Variants in UNC5D observed in about 807,000 individuals in gnomAD.
UNC5D encodes the protein unc-5 netrin receptor D.
Under a neutral mutation model 105.4 loss-of-function variants are expected in UNC5D, and 39 were observed. The observed-to-expected ratio is 0.37, with a 90% CI of 0.29 to 0.48. The LOEUF (loss-of-function observed/expected upper bound fraction) is 0.48, where lower values mean the gene tolerates loss of function less well. Among genes scored for constraint, UNC5D ranks in the 20% least tolerant of loss-of-function variants. The pLI, the probability that UNC5D is intolerant of heterozygous loss-of-function variation, is 0.98. For missense variants in UNC5D, 991 were observed against 1,202.4 expected, an observed-to-expected ratio of 0.82 and a Z score of 2.60; for synonymous variants, 452 against 450.4, an observed-to-expected ratio of 1.00 and a Z score of -0.04.
intron 1 of UNC5D, among the ~76,000 whole-genome samples, chr8:35,442,745 G>A (rs1807490454): frequency 6.6e-6 from 1 of 151,978 alleles, no homozygotes; most frequent in Admixed American, 6.6e-5. Flanking sequence ...AGATAAGACA[G>A]CTGAAGTGTT....
At chr8:35,308,388 A>G (rs144957177) in intron 1 of UNC5D, among the ~76,000 whole-genome samples, 105 of 152,274 alleles carry the variant, frequency 6.9e-4, no homozygotes, top group African/African-American at 2.3e-3. Flanking sequence ...AACAGGTTTC[A>G]TGACCACAGT....
chr8:35,725,634 G>C (rs746130275), intron 9 of UNC5D, among the ~76,000 whole-genome samples: 19 of 152,054 alleles, frequency 1.2e-4, no homozygotes, highest in Non-Finnish European at 2.6e-4. Context: ...CCCAGCTCCA[G>C]AATCTGCACA....
At chr8:35,381,742 T>A (rs1052380785) in intron 1 of UNC5D, among the ~76,000 whole-genome samples, 8 of 152,190 alleles carry the variant, frequency 5.3e-5, no homozygotes, top group African/African-American at 1.9e-4. Context: ...ACATGAAATA[T>A]TGAAGTTTTG....
chr8:35,788,989 G>A (rs1407216209), intron 16 of UNC5D, among the ~76,000 whole-genome samples: 1 of 150,676 alleles, frequency 6.6e-6, no homozygotes, highest in Non-Finnish European at 1.5e-5. Flanking sequence ...TCTATTTGTG[G>A]GTGTGTATGA....
intron 1 of UNC5D, among the ~76,000 whole-genome samples, chr8:35,415,900 A>C (rs960805323): frequency 8.5e-5 from 13 of 152,156 alleles, no homozygotes; most frequent in Admixed American, 8.5e-4. Context: ...TTGTATCTGA[A>C]AGACCTGAGT....
intron 7 of UNC5D, among the ~76,000 whole-genome samples, chr8:35,687,768 A>C (rs1362348559): frequency 6.6e-6 from 1 of 152,154 alleles, no homozygotes; most frequent in African/African-American, 2.4e-5. Flanking sequence ...CCCACTTTTT[A>C]GTATTGTCAA....
chr8:35,357,457 C>A (rs972426771), intron 1 of UNC5D, among the ~76,000 whole-genome samples: 4 of 152,154 alleles, frequency 2.6e-5, no homozygotes, highest in Non-Finnish European at 5.9e-5. Context: ...TTCTCTCTTG[C>A]CTCTACCACA....
chr8:35,677,432 C>T (rs773203900), intron 4 of UNC5D, among the ~76,000 whole-genome samples: 11 of 152,150 alleles, frequency 7.2e-5, no homozygotes, highest in Non-Finnish European at 1.5e-4. Context: ...CCCTGGCCCC[C>T]AGGAACATTG....
intron 1 of UNC5D, among the ~76,000 whole-genome samples, chr8:35,472,528 T>G (rs547039009): frequency 6.6e-6 from 1 of 152,192 alleles, no homozygotes; most frequent in South Asian, 2.1e-4. Context: ...CTTGTGTTTT[T>G]AGGGGAAATC....
In UNC5D at chr8:35,704,906, G is replaced by A. The variant is rs141955954; in HGVS notation, c.1085-1023G>A. Among the ~76,000 whole-genome samples, 1,128 of 152,016 alleles carry A rather than the reference G, an allele frequency of 7.4e-3. 11 individuals carry two copies. Among genetic ancestry groups the A allele is most frequent in the Middle Eastern group, 0.017 (5 of 294 alleles). ...GAGACAATGAATGGGGGACACTGGG[G>A]GCATTGAGAAAATTCCTCAGCTGAG... On this transcript the variant is annotated intron_variant, in intron 7 of 16. Transcript: ENST00000404895.
rs143941711 is a variant in UNC5D at position 35,243,489 on chromosome 8, C to A, written c.103+7602C>A. On this transcript the variant is annotated intron_variant, in intron 1 of 16. Transcript: ENST00000404895. ...GGAAATTGACTCACCCAGAATTTTA[C>A]CAGTTTGCCCAAAGTCAGATTTTTG... is the stretch of plus-strand genomic sequence containing the variant. Among the ~76,000 whole-genome samples the A allele has an allele frequency of 2.9e-4, 44 of 152,242 alleles. 3 individuals carry two copies. In the East Asian group the frequency reaches 6.9e-3, roughly 24 times the overall value.
chr8:35,374,921 T>C (rs1354786792), intron 1 of UNC5D, among the ~76,000 whole-genome samples: 2 of 152,200 alleles, frequency 1.3e-5, no homozygotes, highest in Non-Finnish European at 2.9e-5. Flanking sequence ...ATAAACGAAC[T>C]TTCTAAGAAG....
At chr8:35,250,890 G>A (rs575175406) in intron 1 of UNC5D, among the ~76,000 whole-genome samples, 1 of 152,190 alleles carries the variant, frequency 6.6e-6, no homozygotes, top group South Asian at 2.1e-4. Flanking sequence ...CCAGTGTGTA[G>A]GTCCCATTTA....
intron 4 of UNC5D, among the ~76,000 whole-genome samples, chr8:35,603,036 T>C (rs902953080): frequency 5.9e-5 from 9 of 152,086 alleles, no homozygotes; most frequent in Non-Finnish European, 1.2e-4. Context: ...TTTTTGTGTC[T>C]CTATTTCCTT....
intron 1 of UNC5D, among the ~76,000 whole-genome samples, chr8:35,375,931 T>G (rs1218242942): frequency 1.3e-5 from 2 of 152,206 alleles, no homozygotes; most frequent in African/African-American, 4.8e-5. Context: ...ATATTCTACC[T>G]CTTTATACTC....
At chr8:35,455,014 C>T (rs1194900436) in intron 1 of UNC5D, among the ~76,000 whole-genome samples, 1 of 152,068 alleles carries the variant, frequency 6.6e-6, no homozygotes, top group Non-Finnish European at 1.5e-5. Context: ...ATAAGGCTTA[C>T]TTCTTTTACT....
At chr8:35,486,635 T>C (rs1180473127) in intron 1 of UNC5D, among the ~76,000 whole-genome samples, 2 of 152,290 alleles carry the variant, frequency 1.3e-5, no homozygotes, top group East Asian at 3.9e-4. Flanking sequence ...CTATGATTTG[T>C]CACGAGGGAA....
At chr8:35,267,369 A>C (rs1804955677) in intron 1 of UNC5D, among the ~76,000 whole-genome samples, 1 of 152,186 alleles carries the variant, frequency 6.6e-6, no homozygotes, top group Non-Finnish European at 1.5e-5. Flanking sequence ...TAAAAGAACA[A>C]GACTGTTAAA....
At chr8:35,340,644 A>G (rs1266024030) in intron 1 of UNC5D, among the ~76,000 whole-genome samples, 1 of 152,140 alleles carries the variant, frequency 6.6e-6, no homozygotes, top group African/African-American at 2.4e-5. Flanking sequence ...TTATTTGGTC[A>G]TTTGGGATAT....
Sources: allele counts gnomAD v4.1 joint callset (sites outside exome capture counted in the v4.1 genomes callset), GRCh38; gene constraint gnomAD v4.1.1; transcripts MANE v1.5; gene names NCBI Gene and HGNC (gene_info 2026-07-23, HGNC 2026-07-21).